Variants in LHFPL6 observed in about 807,000 individuals in gnomAD.
The protein encoded by LHFPL6 is LHFPL tetraspan subfamily member 6.
A neutral mutation model predicts 20.6 loss-of-function variants in LHFPL6; 9 were observed. The observed-to-expected ratio is 0.44, with a 90% CI of 0.26 to 0.76. LHFPL6 has a LOEUF of 0.76. Among genes scored for constraint, LHFPL6 ranks in the 30% least tolerant of loss-of-function variants. LHFPL6 has a pLI of 0.20. For synonymous variants in LHFPL6, 105 were observed against 98.7 expected, an observed-to-expected ratio of 1.06 and a Z score of -0.38; for missense variants, 218 against 253.5, an observed-to-expected ratio of 0.86 and a Z score of 0.95.
intron 2 of LHFPL6, among the ~76,000 whole-genome samples, chr13:39,547,436 A>G (rs1871016616): frequency 6.6e-6 from 1 of 152,112 alleles, no homozygotes; most frequent in South Asian, 2.1e-4. Flanking sequence ...AAGATTTACT[A>G]TGTTGTTGGC....
At chr13:39,347,791 T>C (rs899605790) in intron 3 of LHFPL6, among the ~76,000 whole-genome samples, 4 of 152,230 alleles carry the variant, frequency 2.6e-5, no homozygotes, top group Admixed American at 6.5e-5. Context: ...AGAGAAGAGA[T>C]GGCCAATCGT....
intron 2 of LHFPL6, among the ~76,000 whole-genome samples, chr13:39,424,741 T>C (rs781637787): frequency 6.6e-6 from 1 of 152,194 alleles, no homozygotes; most frequent in Non-Finnish European, 1.5e-5. Context: ...GTGGCTATCA[T>C]ATCTCATTTC....
At chr13:39,344,170 T>G in intron 3 of LHFPL6, 116 bp from the exon 4 acceptor site, 2 of 703,342 alleles carry the variant, frequency 2.8e-6, no homozygotes, top group Non-Finnish European at 4.8e-6. Context: ...TATGGTATCC[T>G]CGCTTAAATG....
intron 2 of LHFPL6, among the ~76,000 whole-genome samples, chr13:39,385,947 AT>A (rs970890829): frequency 6.6e-6 from 1 of 151,806 alleles, no homozygotes; most frequent in African/African-American, 2.4e-5. Context: ...TGTTTATTTT[AT>A]TTTTTTAATG....
chr13:39,443,537 G>A (rs1336549392), intron 2 of LHFPL6, among the ~76,000 whole-genome samples: 1 of 152,132 alleles, frequency 6.6e-6, no homozygotes, highest in African/African-American at 2.4e-5. Context: ...TTGGATTGCT[G>A]TGAATGGAGT....
rs901992418 is a variant in LHFPL6 at position 39,466,520 on chromosome 13, C to T, written c.386-87994G>A. ...AGTATGGCTACTACACAGGTCTTGA[C>T]TTTACAAAGGTCACAGACTAGAAAG... On this transcript the variant is annotated intron_variant, in intron 2 of 3. Transcript: ENST00000379589. Among the ~76,000 whole-genome samples, 3 of 152,312 alleles carry T rather than the reference C, an allele frequency of 2.0e-5. No individual in the cohort carries two copies. The South Asian group carries it at 6.2e-4, about 32-fold the overall frequency.
In LHFPL6 at chr13:39,593,655, C is replaced by A. The variant is rs543020609; in HGVS notation, c.385+7177G>T. 3.7e-4 allele frequency among the ~76,000 whole-genome samples: 57 copies of A among 152,254 alleles called. 3 individuals carry two copies. The East Asian group carries it at 0.011, about 29-fold the overall frequency. On this transcript the variant is annotated intron_variant, in intron 2 of 3. Coordinates refer to ENST00000379589, the MANE Select transcript of LHFPL6 (RefSeq NM_005780.3). ...GAACCAAAAAAAGAGCCCACATTGC[C>A]AAGTCAATCCCAAGCCAAAAGAACA...
chr13:39,487,635 T>C (rs535188877), intron 2 of LHFPL6, among the ~76,000 whole-genome samples: 2 of 152,334 alleles, frequency 1.3e-5, no homozygotes, highest in African/African-American at 2.4e-5. Flanking sequence ...ATATGGTCCA[T>C]AGGATTATGT....
intron 2 of LHFPL6, among the ~76,000 whole-genome samples, chr13:39,464,626 A>G (rs7996490): frequency 0.16 from 23,709 of 152,024 alleles, 3,454 homozygotes; most frequent in East Asian, 0.51. Context: ...AGTGTAGCTA[A>G]ATATACTTTT....
rs1044369813 is a variant in LHFPL6, at chr13:39,467,958, T to C, written c.386-89432A>G. On this transcript the variant is annotated intron_variant, in intron 2 of 3. Coordinates refer to ENST00000379589, the MANE Select transcript of LHFPL6 (RefSeq NM_005780.3). ...ACATTGAATAAGTTTGTGTGCCTTT[T>C]CTATTTATCTGCCCATTGTAAGATC... Among the ~76,000 whole-genome samples the C allele has an allele frequency of 5.3e-5, 8 of 152,336 alleles. 1 individual carries two copies. Among genetic ancestry groups the C allele is most frequent in the Admixed American group, 5.2e-4 (8 of 15,306 alleles).
chr13:39,562,431 CAT>C (rs757006828), intron 2 of LHFPL6, among the ~76,000 whole-genome samples: 4 of 92,616 alleles, frequency 4.3e-5, no homozygotes, highest in East Asian at 2.6e-4. Context: ...TACATATATA[CAT>C]ATATACATAT....
chr13:39,494,401 A>G (rs896725569), intron 2 of LHFPL6, among the ~76,000 whole-genome samples: 1 of 152,194 alleles, frequency 6.6e-6, no homozygotes, highest in African/African-American at 2.4e-5. Flanking sequence ...GGGAGATTGA[A>G]GGATACAGAA....
intron 2 of LHFPL6, among the ~76,000 whole-genome samples, chr13:39,401,702 G>T (rs761513606): frequency 6.6e-6 from 1 of 152,134 alleles, no homozygotes; most frequent in Non-Finnish European, 1.5e-5. Context: ...ACTACCATAA[G>T]CAATTAGTCT....
At chr13:39,489,353 A>G (rs1414864767) in intron 2 of LHFPL6, among the ~76,000 whole-genome samples, 1 of 152,190 alleles carries the variant, frequency 6.6e-6, no homozygotes, top group African/African-American at 2.4e-5. Context: ...CAGTCCCAGC[A>G]CTGTTCCTGA....
chr13:39,366,751 C>T (rs1870023452), intron 3 of LHFPL6, among the ~76,000 whole-genome samples: 1 of 152,174 alleles, frequency 6.6e-6, no homozygotes, highest in African/African-American at 2.4e-5. Flanking sequence ...CCTCTCCTCA[C>T]AGGGGCTGAT....
chr13:39,389,052 G>A (rs1870640344), intron 2 of LHFPL6, among the ~76,000 whole-genome samples: 1 of 152,192 alleles, frequency 6.6e-6, no homozygotes, highest in Non-Finnish European at 1.5e-5. Flanking sequence ...AGAGTTAGCT[G>A]GAGAAGAGAC....
At chr13:39,431,016 G>T (rs1419004830) in intron 2 of LHFPL6, among the ~76,000 whole-genome samples, 4 of 152,100 alleles carry the variant, frequency 2.6e-5, no homozygotes, top group Non-Finnish European at 5.9e-5. Flanking sequence ...CACTGCAAAG[G>T]TCTGCAGCTT....
At chr13:39,344,123 GC>G in intron 3 of LHFPL6, 69 bp from the exon 4 acceptor site, 1 of 1,268,526 alleles carries the variant, frequency 7.9e-7, no homozygotes, top group Non-Finnish European at 1.1e-6. Flanking sequence ...GTTTCTTATT[GC>G]TTCCAGTGTG....
At chr13:39,420,771 A>C (rs891366801) in intron 2 of LHFPL6, among the ~76,000 whole-genome samples, 1 of 152,228 alleles carries the variant, frequency 6.6e-6, no homozygotes, top group Admixed American at 6.5e-5. Flanking sequence ...GAAGACCCTC[A>C]TGGTATGCTG....
Sources: gnomAD v4.1 joint callset for allele counts (sites outside exome capture counted in the v4.1 genomes callset) on GRCh38, gnomAD v4.1.1 for gene constraint, MANE v1.5 for transcripts, NCBI Gene and HGNC (gene_info 2026-07-23, HGNC 2026-07-21) for gene names.